Variants in ALMS1 observed in about 807,000 individuals in gnomAD.
ALMS1 encodes the protein ALMS1 centrosome and basal body associated protein, also known as centrosome-associated protein ALMS1.
ALMS1 carries 271 observed loss-of-function variants against 352.2 expected under a neutral mutation model. The observed-to-expected ratio is 0.77, with a 90% CI of 0.70 to 0.85. The LOEUF (loss-of-function observed/expected upper bound fraction) is 0.85, where lower values mean the gene tolerates loss of function less well. ALMS1 is among the 40% of genes least tolerant of loss of function. The pLI is 0.00. For missense variants in ALMS1, 5,445 were observed against 4,870.7 expected (o/e 1.12, Z -3.51); for synonymous variants, 1,865 against 1,761.2 (o/e 1.06, Z -1.48).
At chr2:73,398,764 T>C (rs1426398744) in intron 1 of ALMS1, among the ~76,000 whole-genome samples, 3 of 152,206 alleles carry the variant, frequency 2.0e-5, no homozygotes, top group Admixed American at 6.5e-5. Context: ...CAGGAAGTGA[T>C]TGACTTTTAT....
At chr2:73,558,889 C>A in intron 14 of ALMS1, 83 bp from the exon 15 acceptor site, 5 of 1,425,086 alleles carry the variant, frequency 3.5e-6, no homozygotes, top group South Asian at 1.3e-5. Context: ...CAAAGCCTTT[C>A]ACATAATACG....
At position 73,418,468 on chromosome 2, in the gene ALMS1, C is replaced by T. The variant is rs1347539227; in HGVS notation, c.451-655C>T. Reference sequence around the variant, plus strand: ...AGCCCTTGCGTGCACCAAGTTTGGCCCCTCTAGCATCGCCGCCACGAAGAA... The same window carrying T: ...AGCCCTTGCGTGCACCAAGTTTGGCTCCTCTAGCATCGCCGCCACGAAGAA... On this transcript the variant is annotated intron_variant, in intron 2 of 22. Coordinates refer to ENST00000613296, the MANE Select transcript of ALMS1 (RefSeq NM_001378454.1). Among the ~76,000 whole-genome samples, 6 of 152,166 alleles carry T rather than the reference C, an allele frequency of 3.9e-5. No homozygotes were observed. In the South Asian group the frequency reaches 8.3e-4, roughly 21 times the overall value.
At chr2:73,482,155 C>T (rs540025533) in intron 9 of ALMS1, among the ~76,000 whole-genome samples, 8 of 152,124 alleles carry the variant, frequency 5.3e-5, no homozygotes, top group African/African-American at 9.7e-5. Flanking sequence ...TGTCTTGTGC[C>T]GGTTTTCAAA....
In ALMS1 at chr2:73,432,302, A is replaced by G. The variant is rs947794687; in HGVS notation, c.1432+11A>G. The stretch of plus-strand genomic sequence containing the variant: ...AACATTTAAAAGCAGGTACGTAGAA[A>G]AAGGAGATAGTAAATGTCCTACTTA... On this transcript the variant is annotated intron_variant, in intron 7 of 22. Coordinates refer to ENST00000613296, the MANE Select transcript of ALMS1 (RefSeq NM_001378454.1). The G allele has an allele frequency of 6.3e-7, 1 of 1,587,582 alleles. No individual in the cohort carries two copies. The highest frequency in any genetic ancestry group is 1.3e-5 in the African/African-American group (1 of 74,494).
rs747436819 is a variant in ALMS1 at position 73,568,995 on chromosome 2, C to CTTTTTTTTTTTTTTTTTTTTTTTTTTTT, written c.10385-3257_10385-3230dup. Among the ~76,000 whole-genome samples the CTTTTTTTTTTTTTTTTTTTTTTTTTTTT allele has an allele frequency of 3.7e-5, 2 of 53,556 alleles. 1 individual carries two copies. Among genetic ancestry groups the CTTTTTTTTTTTTTTTTTTTTTTTTTTTT allele is most frequent in the African/African-American group, 1.6e-4 (2 of 12,314 alleles). 35.1% of individuals were successfully genotyped at this position (53,556 alleles called of 152,430 possible). A position where few individuals can be genotyped will look rare whatever the true frequency, so the allele number is the denominator to read the frequency against. The stretch of plus-strand genomic sequence containing the variant: ...AGCTTGCTTGCTGCTGCTTCTGCTT[C>CTTTTTTTTTTTTTTTTTTTTTTTTTTTT]TTTTTTTTTTTTTTTTTTTTTTTTT... On this transcript the variant is annotated intron_variant, in intron 15 of 22. Transcript: ENST00000613296.
At chr2:73,536,043 A>G (rs895797726) in intron 12 of ALMS1, among the ~76,000 whole-genome samples, 2 of 152,230 alleles carry the variant, frequency 1.3e-5, no homozygotes, top group South Asian at 2.1e-4. Flanking sequence ...AAGAACCACA[A>G]AAATACTCAC....
At chr2:73,429,978 C>T (rs998586128) in intron 6 of ALMS1, among the ~76,000 whole-genome samples, 1 of 151,964 alleles carries the variant, frequency 6.6e-6, no homozygotes, top group South Asian at 2.1e-4. Context: ...TCTGTTTTCT[C>T]CTGGTTCTTT....
rs886949774 is a variant in ALMS1 at position 73,386,203 on chromosome 2, C to G, written c.324+11C>G. ...ACCTCCCTGGAGAAGGTGAGGCGGGCCGGGGAGGGGTGTGGAGCCGCGGCG... is the reference window on the plus strand; with the variant it reads ...ACCTCCCTGGAGAAGGTGAGGCGGGGCGGGGAGGGGTGTGGAGCCGCGGCG... On this transcript the variant is annotated intron_variant, in intron 1 of 22. Transcript: ENST00000613296. 1.3e-6 allele frequency: 2 copies of G among 1,523,300 alleles called. No individual in the cohort carries two copies. Among genetic ancestry groups the G allele is most frequent in the Non-Finnish European group, 1.8e-6 (2 of 1,132,394 alleles). 94.4% of individuals were successfully genotyped at this position (1,523,300 alleles called of 1,614,324 possible).
intron 7 of ALMS1, among the ~76,000 whole-genome samples, chr2:73,444,275 T>G (rs754924123): frequency 6.6e-6 from 1 of 152,126 alleles, no homozygotes; most frequent in Admixed American, 6.6e-5. Flanking sequence ...GGAATTTCTT[T>G]GAGTAGGGGT....
At chr2:73,559,699 A>G (rs1340035292) in intron 15 of ALMS1, among the ~76,000 whole-genome samples, 5 of 152,148 alleles carry the variant, frequency 3.3e-5, no homozygotes, top group Non-Finnish European at 7.4e-5. Flanking sequence ...GGATTTTGGA[A>G]ATAGTCTGGG....
At chr2:73,595,647 C>T (rs902081193) in intron 16 of ALMS1, among the ~76,000 whole-genome samples, 2 of 152,114 alleles carry the variant, frequency 1.3e-5, no homozygotes, top group East Asian at 3.8e-4. Context: ...TGGGTTTTTA[C>T]TCAGGAGTGA....
chr2:73,609,615 C>T lies in ALMS1; in HGVS notation c.*3C>T. 1 of 1,613,892 alleles carries T rather than the reference C, an allele frequency of 6.2e-7. No homozygotes were observed. The highest frequency in any genetic ancestry group is 8.5e-7 in the Non-Finnish European group (1 of 1,179,760). On this transcript the variant is annotated 3_prime_UTR_variant, in exon 23 of 23. Transcript: ENST00000613296. ...GGAGAAAAGTTCCCTGGGACTGACA[C>T]AAGTTTATTTTCCTCAGAGCCTTGG...
chr2:73,583,176 T>C (rs959575061), intron 16 of ALMS1, among the ~76,000 whole-genome samples: 2 of 150,502 alleles, frequency 1.3e-5, no homozygotes, highest in Non-Finnish European at 2.9e-5. Context: ...TAGAGAAATG[T>C]CTATTCAAGT....
In ALMS1 at chr2:73,386,120, C is replaced by A. The variant is rs778271633; in HGVS notation, c.252C>A (p.Pro84=). 1.9e-6 allele frequency: 3 copies of A among 1,579,908 alleles called. No individual in the cohort carries two copies. In the South Asian group the frequency reaches 3.5e-5, roughly 18 times the overall value. The change falls in exon 1 of 23, where the codon CCC becomes CCA. Residue 84 remains proline, a synonymous_variant. Transcript: ENST00000613296. Reference sequence around the variant, plus strand: ...CCAAGGCCTGGCTGCAGGCGCACCCCGGCAGGATTTTGCCTCCGCTGTCGC... The same window carrying A: ...CCAAGGCCTGGCTGCAGGCGCACCCAGGCAGGATTTTGCCTCCGCTGTCGC... The part of the protein sequence containing the change: ...EEAKAWLQAH[P]GRILPPLSPP...
intron 11 of ALMS1, among the ~76,000 whole-genome samples, chr2:73,534,100 T>C (rs997336995): frequency 6.6e-6 from 1 of 152,166 alleles, no homozygotes; most frequent in African/African-American, 2.4e-5. Flanking sequence ...AAAATGAATA[T>C]TTTTATTATA....
rs77509957 is a variant in ALMS1, at chr2:73,603,869, A to T, written c.12362+565A>T. 1.1e-3 allele frequency: 166 copies of T among 152,742 alleles called. 1 individual carries two copies. Among genetic ancestry groups the T allele is most frequent in the African/African-American group, 1.4e-3 (59 of 41,354 alleles). The allele number at this position is 152,742 out of a possible 1,614,324, so 9.5% of individuals were successfully genotyped here. A position where few individuals can be genotyped will look rare whatever the true frequency, so the allele number is the denominator to read the frequency against. ...AACGAGACTCCATCTCAAAAAAATTAAAAAAAAAGATTATTTTGAAATAAA... is the reference window on the plus strand; with the variant it reads ...AACGAGACTCCATCTCAAAAAAATTTAAAAAAAAGATTATTTTGAAATAAA... On this transcript the variant is annotated intron_variant, in intron 21 of 22. Transcript: ENST00000613296.
At chr2:73,403,334 G>C (rs968677020) in intron 1 of ALMS1, among the ~76,000 whole-genome samples, 1 of 152,052 alleles carries the variant, frequency 6.6e-6, no homozygotes, top group East Asian at 1.9e-4. Context: ...AAAAATTAGC[G>C]AATCATATAT....
chr2:73,482,277 T>A (rs575300038), intron 9 of ALMS1, among the ~76,000 whole-genome samples: 1 of 152,334 alleles, frequency 6.6e-6, no homozygotes, highest in African/African-American at 2.4e-5. Flanking sequence ...ATTGAGAGTT[T>A]TTAGCATGAA....
rs776563011 is a variant in ALMS1, at chr2:73,490,612, C to T, written c.8653C>T (p.Arg2885Ter). ...DLPSCIFLEQ[R>*]ELFEQSKAPR... The stretch of plus-strand genomic sequence containing the variant: ...TCCTTCTTGCATTTTTCTTGAACAA[C>T]GAGAGCTCTTTGAACAAAGCAAAGC... Residue 2885 changes from arginine (R) to a stop codon, truncating the protein, a stop_gained, in exon 10 of 23, where the codon CGA becomes TGA. Transcript: ENST00000613296. LOFTEE classifies it high-confidence loss of function. The T allele has an allele frequency of 2.5e-6, 4 of 1,614,030 alleles. No homozygotes were observed. The highest frequency in any genetic ancestry group is 2.2e-5 in the East Asian group (1 of 44,890).
Sources: gnomAD v4.1 joint callset for allele counts (sites outside exome capture counted in the v4.1 genomes callset) on GRCh38, gnomAD v4.1.1 for gene constraint, MANE v1.5 for transcripts, NCBI Gene and HGNC (gene_info 2026-07-23, HGNC 2026-07-21) for gene names.